The following PRKCA variants were observed in gnomAD, a reference collection of about 807,000 sequenced individuals.
PRKCA encodes the protein protein kinase C alpha, also known as protein kinase C alpha type.
In PRKCA, 27 loss-of-function variants were observed where a neutral mutation model predicts 87.0. The observed-to-expected ratio is 0.31, with a 90% CI of 0.23 to 0.43. The LOEUF is 0.43. PRKCA is among the 20% of genes least tolerant of loss of function. The probability of loss-of-function intolerance (pLI) is 1.00; values close to 1 mark genes in which losing one functional copy is unlikely to be tolerated. For synonymous variants in PRKCA, 329 were observed against 311.1 expected (o/e 1.06, Z -0.61); for missense variants, 518 against 852.3 (o/e 0.61, Z 4.88).
chr17:66,610,525 A>G (rs1054873097), intron 3 of PRKCA, among the ~76,000 whole-genome samples: 1 of 152,182 alleles, frequency 6.6e-6, no homozygotes, highest in Admixed American at 6.5e-5. Context: ...TCACCCCATG[A>G]TAACAAAAGA....
chr17:66,463,489 A>G (rs541710969), intron 2 of PRKCA, among the ~76,000 whole-genome samples: 2 of 151,770 alleles, frequency 1.3e-5, no homozygotes, highest in African/African-American at 2.4e-5. Context: ...TCCGCCTCCC[A>G]AGCTCAAGCG....
At chr17:66,609,403 A>G (rs892151157) in intron 3 of PRKCA, among the ~76,000 whole-genome samples, 3 of 152,204 alleles carry the variant, frequency 2.0e-5, no homozygotes, top group Non-Finnish European at 2.9e-5. Flanking sequence ...TATATGAAGC[A>G]GTGTCTATTG....
At chr17:66,473,008 C>T (rs759245270) in intron 2 of PRKCA, among the ~76,000 whole-genome samples, 3 of 152,118 alleles carry the variant, frequency 2.0e-5, no homozygotes, top group Non-Finnish European at 4.4e-5. Flanking sequence ...TGTAGCACCA[C>T]CAAAAATAAT....
chr17:66,674,499 G>A (rs1196825151), intron 5 of PRKCA, among the ~76,000 whole-genome samples: 1 of 152,208 alleles, frequency 6.6e-6, no homozygotes, highest in African/African-American at 2.4e-5. Context: ...GTGATAGGTT[G>A]CATGCAGTTA....
At chr17:66,716,863 A>G (rs1973489398) in intron 8 of PRKCA, among the ~76,000 whole-genome samples, 1 of 152,188 alleles carries the variant, frequency 6.6e-6, no homozygotes, top group Admixed American at 6.5e-5. Flanking sequence ...CTGTGAATTT[A>G]TTTTAACCGT....
chr17:66,362,723 C>T (rs1052047480), intron 2 of PRKCA, among the ~76,000 whole-genome samples: 5 of 150,262 alleles, frequency 3.3e-5, no homozygotes, highest in Non-Finnish European at 7.4e-5. Flanking sequence ...GACAGAGTCT[C>T]AGTCTATATA....
chr17:66,313,924 G>T (rs907118463), intron 2 of PRKCA, among the ~76,000 whole-genome samples: 2 of 152,148 alleles, frequency 1.3e-5, no homozygotes, highest in African/African-American at 4.8e-5. Context: ...TCACTTTCAA[G>T]ATTTTATTCA....
intron 3 of PRKCA, among the ~76,000 whole-genome samples, chr17:66,588,680 G>T (rs191907509): frequency 6.6e-4 from 49 of 73,738 alleles, no homozygotes; most frequent in Admixed American, 5.6e-3. Context: ...TCGCTTTGTT[G>T]CCCAGGCTGG....
rs533852485 is a variant in PRKCA, at chr17:66,441,935, G to A, written c.206-54266G>A. The stretch of plus-strand genomic sequence containing the variant: ...AATAAATGTGGGTGGATGGATGGAC[G>A]GGCGGACAGATGGAAATATCACACA... On this transcript the variant is annotated intron_variant, in intron 2 of 16. Coordinates refer to ENST00000413366, the MANE Select transcript of PRKCA (RefSeq NM_002737.3). Among the ~76,000 whole-genome samples, 259 of 152,270 alleles carry A rather than the reference G, an allele frequency of 1.7e-3. 1 individual carries two copies. The highest frequency in any genetic ancestry group is 3.4e-3 in the Middle Eastern group (1 of 294).
chr17:66,629,233 A>G (rs563398965), intron 3 of PRKCA, among the ~76,000 whole-genome samples: 62 of 152,256 alleles, frequency 4.1e-4, no homozygotes, highest in African/African-American at 1.4e-3. Context: ...ATGAACAAAT[A>G]CCAGCTGCTG....
intron 2 of PRKCA, among the ~76,000 whole-genome samples, chr17:66,322,239 G>A (rs9912468): frequency 3.9e-5 from 6 of 151,920 alleles, no homozygotes; most frequent in African/African-American, 1.5e-4. Context: ...ATCTGGAAAA[G>A]CATCTTCCTG....
At chr17:66,693,550 C>T (rs889500911) in intron 8 of PRKCA, among the ~76,000 whole-genome samples, 14 of 152,124 alleles carry the variant, frequency 9.2e-5, no homozygotes, top group African/African-American at 2.7e-4. Flanking sequence ...CCTGAATCTC[C>T]AGGCACTATT....
At chr17:66,624,447 G>C (rs1336228076) in intron 3 of PRKCA, among the ~76,000 whole-genome samples, 1 of 152,164 alleles carries the variant, frequency 6.6e-6, no homozygotes, top group African/African-American at 2.4e-5. Flanking sequence ...TGGGCAGAGG[G>C]TTCTAAATTT....
intron 3 of PRKCA, among the ~76,000 whole-genome samples, chr17:66,592,212 G>A (rs560194823): frequency 2.4e-3 from 358 of 151,780 alleles, no homozygotes; most frequent in Middle Eastern, 0.014. Context: ...AAAATTAGCC[G>A]GGCATGGTGC....
chr17:66,596,571 C>CT (rs10582567), intron 3 of PRKCA, among the ~76,000 whole-genome samples: 5,028 of 113,812 alleles, frequency 0.044, 258 homozygotes, highest in East Asian at 0.13. Context: ...AATATTAAAC[C>CT]TTTTTTTTTT....
intron 2 of PRKCA, among the ~76,000 whole-genome samples, chr17:66,393,893 G>A (rs1258034630): frequency 6.6e-6 from 1 of 152,102 alleles, no homozygotes; most frequent in East Asian, 1.9e-4. Flanking sequence ...GGCCAACATG[G>A]TGAAAGCCCA....
At chr17:66,732,406 C>T (rs1277006758) in intron 8 of PRKCA, among the ~76,000 whole-genome samples, 2 of 152,326 alleles carry the variant, frequency 1.3e-5, no homozygotes, top group African/African-American at 4.8e-5. Context: ...GGAATTACAA[C>T]CAACCAGCCC....
intron 9 of PRKCA, among the ~76,000 whole-genome samples, chr17:66,734,187 C>T (rs1973968015): frequency 1.3e-5 from 2 of 152,102 alleles, no homozygotes; most frequent in Non-Finnish European, 2.9e-5. Flanking sequence ...TCTTGGACCT[C>T]AAGCAAGAAA....
chr17:66,447,238 A>G lies in PRKCA; in HGVS notation c.206-48963A>G, dbSNP rs552169234. ...ATGTATACGGGATGGTGACAGAGTG[A>G]GAGAGGCCTTGGGGTTTTGAAAGAA... is the stretch of plus-strand genomic sequence containing the variant. On this transcript the variant is annotated intron_variant, in intron 2 of 16. Transcript: ENST00000413366. Among the ~76,000 whole-genome samples, 3 of 152,292 alleles carry G rather than the reference A, an allele frequency of 2.0e-5. No individual in the cohort carries two copies. The South Asian group carries it at 6.2e-4, about 32-fold the overall frequency.
Sources: gnomAD v4.1 joint callset for allele counts (sites outside exome capture counted in the v4.1 genomes callset) on GRCh38, gnomAD v4.1.1 for gene constraint, MANE v1.5 for transcripts, NCBI Gene and HGNC (gene_info 2026-07-23, HGNC 2026-07-21) for gene names.